Variants in DCDC2 observed in about 807,000 individuals in gnomAD.
DCDC2 encodes doublecortin domain-containing protein 2.
Under a neutral mutation model 50.2 loss-of-function variants are expected in DCDC2, and 40 were observed. The ratio of observed to expected loss-of-function variants is 0.80; its 90% CI spans 0.62 to 1.04. The LOEUF is 1.04. Among genes scored for constraint, DCDC2 ranks in the 50% least tolerant of loss-of-function variants. DCDC2 has a pLI of 0.00. For missense variants in DCDC2, 570 were observed against 581.9 expected (o/e 0.98, Z 0.21); for synonymous variants, 234 against 210.6 (o/e 1.11, Z -0.96).
intron 8 of DCDC2, among the ~76,000 whole-genome samples, chr6:24,181,694 T>C (rs1761075867): frequency 6.6e-6 from 1 of 152,154 alleles, no homozygotes; most frequent in Non-Finnish European, 1.5e-5. Flanking sequence ...CATAAATAAA[T>C]GGAAATATGT....
At chr6:24,345,231 A>G (rs568770646) in intron 2 of DCDC2, among the ~76,000 whole-genome samples, 1 of 152,324 alleles carries the variant, frequency 6.6e-6, no homozygotes, top group Admixed American at 6.5e-5. Flanking sequence ...TGGAATCCCA[A>G]TTAATATCTA....
chr6:24,303,850 T>C (rs1759424772), intron 2 of DCDC2, among the ~76,000 whole-genome samples: 1 of 152,220 alleles, frequency 6.6e-6, no homozygotes, highest in South Asian at 2.1e-4. Context: ...AGAGTTTTAG[T>C]GAACCTATGT....
At chr6:24,254,050 T>C (rs1333595098) in intron 7 of DCDC2, among the ~76,000 whole-genome samples, 1 of 152,166 alleles carries the variant, frequency 6.6e-6, no homozygotes, top group African/African-American at 2.4e-5. Context: ...TTTTGTTTAA[T>C]TTTTAAACCT....
At chr6:24,270,484 A>G (rs1251869614) in intron 7 of DCDC2, among the ~76,000 whole-genome samples, 3 of 152,176 alleles carry the variant, frequency 2.0e-5, no homozygotes, top group Non-Finnish European at 4.4e-5. Flanking sequence ...ACACACATAT[A>G]TATCAACAAA....
chr6:24,177,215 T>G (rs189962700), intron 9 of DCDC2, among the ~76,000 whole-genome samples: 9 of 152,322 alleles, frequency 5.9e-5, no homozygotes, highest in African/African-American at 2.2e-4. Flanking sequence ...GAATTTCTTA[T>G]AGAATAGGAC....
At chr6:24,214,646 A>C (rs1409860515) in intron 7 of DCDC2, among the ~76,000 whole-genome samples, 1 of 152,192 alleles carries the variant, frequency 6.6e-6, no homozygotes, top group Non-Finnish European at 1.5e-5. Flanking sequence ...GCATCCTTAT[A>C]AAAATTACAC....
chr6:24,276,945 C>T (rs1763372129), intron 7 of DCDC2, among the ~76,000 whole-genome samples: 1 of 152,074 alleles, frequency 6.6e-6, no homozygotes, highest in Non-Finnish European at 1.5e-5. Context: ...CAGCTAGTCT[C>T]GATCATTTAG....
At chr6:24,274,940 T>C (rs1163322898) in intron 7 of DCDC2, among the ~76,000 whole-genome samples, 3 of 152,134 alleles carry the variant, frequency 2.0e-5, no homozygotes, top group Admixed American at 6.5e-5. Context: ...ATTTATCACT[T>C]TGAAATAAAA....
At chr6:24,297,543 C>G (rs1484900634) in intron 4 of DCDC2, among the ~76,000 whole-genome samples, 1 of 151,998 alleles carries the variant, frequency 6.6e-6, no homozygotes, top group Non-Finnish European at 1.5e-5. Context: ...TATATTTTTA[C>G]TTGAATATAT....
chr6:24,279,336 G>A (rs1763422235), intron 6 of DCDC2, among the ~76,000 whole-genome samples: 2 of 151,800 alleles, frequency 1.3e-5, no homozygotes, highest in Admixed American at 1.3e-4. Flanking sequence ...GCTACCTAGG[G>A]GGCAAAGGTG....
rs532925237 is a variant in DCDC2 at position 24,215,894 on chromosome 6, C to T, written c.923-10792G>A. On this transcript the variant is annotated intron_variant, in intron 7 of 9. Coordinates refer to ENST00000378454, the MANE Select transcript of DCDC2 (RefSeq NM_016356.5). ...TTGAATACTTGTATTGGCAGGACTC[C>T]GTGACTGCCAGGATGTGAGAGTTGA... Among the ~76,000 whole-genome samples the T allele has an allele frequency of 3.3e-5, 5 of 152,262 alleles. No homozygotes were observed. The East Asian group carries it at 5.8e-4, about 18-fold the overall frequency.
chr6:24,358,302 T>C (rs180671206), upstream of DCDC2: 999 of 182,336 alleles, frequency 5.5e-3, 11 homozygotes, highest in Middle Eastern at 0.025. Context: ...TGCCCAGGTT[T>C]TTCTTTGCTG....
upstream of DCDC2, among the ~76,000 whole-genome samples, chr6:24,358,986 T>C (rs867890876): frequency 3.4e-3 from 274 of 79,904 alleles, 7 homozygotes; most frequent in African/African-American, 0.014. Flanking sequence ...ATACATTATA[T>C]ATTATATATT....
chr6:24,212,321 G>A (rs780468677), intron 7 of DCDC2, among the ~76,000 whole-genome samples: 2 of 152,158 alleles, frequency 1.3e-5, no homozygotes, highest in Non-Finnish European at 2.9e-5. Flanking sequence ...TCTGAGTCCT[G>A]CAGATACCTG....
chr6:24,283,371 G>GCTCCCTGACCAACTCAGTTATGCAC (rs1554116050), intron 6 of DCDC2, among the ~76,000 whole-genome samples: 2 of 151,942 alleles, frequency 1.3e-5, no homozygotes, highest in East Asian at 3.9e-4. Flanking sequence ...CATTCCCCAG[G>GCTCCCTGACCAACTCAGTTATGCAC]CTCCCTGACC....
At chr6:24,279,350 G>A (rs1763422540) in intron 6 of DCDC2, among the ~76,000 whole-genome samples, 1 of 152,096 alleles carries the variant, frequency 6.6e-6, no homozygotes, top group African/African-American at 2.4e-5. Flanking sequence ...AAAGGTGGGA[G>A]GATCACTGGA....
intron 7 of DCDC2, among the ~76,000 whole-genome samples, chr6:24,207,256 T>TCTCTCTCTCTCTCTCTCTCTC (rs1761735602): frequency 2.3e-5 from 3 of 129,600 alleles, no homozygotes; most frequent in Admixed American, 7.7e-5. Flanking sequence ...CCATCTATCT[T>TCTCTCTCTCTCTCTCTCTCTC]TCTCTCTCTC....
chr6:24,205,767 T>C (rs1205628791), intron 7 of DCDC2, among the ~76,000 whole-genome samples: 1 of 152,164 alleles, frequency 6.6e-6, no homozygotes. Context: ...ATAATAGCTG[T>C]TTTTCATATT....
At chr6:24,192,628 A>G (rs1367039439) in intron 8 of DCDC2, among the ~76,000 whole-genome samples, 1 of 152,196 alleles carries the variant, frequency 6.6e-6, no homozygotes, top group African/African-American at 2.4e-5. Flanking sequence ...AGGAACATTC[A>G]GAGAATGTGA....
Sources: gnomAD v4.1 joint callset for allele counts (sites outside exome capture counted in the v4.1 genomes callset) on GRCh38, gnomAD v4.1.1 for gene constraint, MANE v1.5 for transcripts, NCBI Gene and HGNC (gene_info 2026-07-23, HGNC 2026-07-21) for gene names.